Variants in COL4A1 observed in about 807,000 individuals in gnomAD.
COL4A1 encodes the protein collagen alpha-1(IV) chain.
COL4A1 carries 40 observed loss-of-function variants against 216.6 expected under a neutral mutation model. That is an observed-to-expected ratio of 0.18 (90% confidence interval 0.14 to 0.24). COL4A1 has a LOEUF of 0.24. Among genes scored for constraint, COL4A1 ranks in the 10% least tolerant of loss-of-function variants. COL4A1 has a pLI of 1.00. For synonymous variants in COL4A1, 839 were observed against 810.7 expected, an observed-to-expected ratio of 1.03 and a Z score of -0.59; for missense variants, 1,628 against 2,196.8, an observed-to-expected ratio of 0.74 and a Z score of 5.18.
chr13:110,208,404 C>A (rs1039733803), intron 12 of COL4A1, among the ~76,000 whole-genome samples: 6 of 152,192 alleles, frequency 3.9e-5, no homozygotes, highest in Admixed American at 6.5e-5. Context: ...CCTGGACATG[C>A]CCGCCTCTGA....
intron 1 of COL4A1, among the ~76,000 whole-genome samples, chr13:110,294,584 G>A (rs1447264444): frequency 6.6e-6 from 1 of 152,186 alleles, no homozygotes; most frequent in Non-Finnish European, 1.5e-5. Context: ...TCCAAAAATT[G>A]GAACAACTCA....
intron 2 of COL4A1, among the ~76,000 whole-genome samples, chr13:110,236,884 C>A (rs1268325943): frequency 2.0e-5 from 3 of 152,158 alleles, no homozygotes; most frequent in African/African-American, 7.2e-5. Flanking sequence ...GGCTGGGCAC[C>A]CCTAACCTGT....
At position 110,207,740 on chromosome 13, in the gene COL4A1, G is replaced by A. The variant is rs1437265386; in HGVS notation, c.694-251C>T. Among the ~76,000 whole-genome samples, 2 of 152,128 alleles carry A rather than the reference G, an allele frequency of 1.3e-5. No individual in the cohort carries two copies. Among genetic ancestry groups the A allele is most frequent in the African/African-American group, 4.8e-5 (2 of 41,424 alleles). ...GGCCACTAGCTCAGGAATAACCATG[G>A]AATCTGAACACCTGCAAGACACCTC... On this transcript the variant is annotated intron_variant, in intron 12 of 51. Coordinates refer to ENST00000375820, the MANE Select transcript of COL4A1 (RefSeq NM_001845.6). The surrounding 1 kb of genome is among the most constrained non-coding windows in gnomAD (Gnocchi z 4.4).
At chr13:110,165,196 C>T (rs1566342768) in intron 45 of COL4A1, among the ~76,000 whole-genome samples, 1 of 152,174 alleles carries the variant, frequency 6.6e-6, no homozygotes, top group Non-Finnish European at 1.5e-5. Context: ...CCTGAACTCT[C>T]GGGCAAAGGC....
In COL4A1 at chr13:110,205,644, C is replaced by A; in HGVS notation, c.859-106G>T. On this transcript the variant is annotated intron_variant, in intron 15 of 51. Transcript: ENST00000375820. The stretch of plus-strand genomic sequence containing the variant: ...TTGGGAGGCCGAGGTGGGTGGATCA[C>A]CTGAGGTCAGGAGTTCGAGACCAGC... 6.4e-6 allele frequency: 8 copies of A among 1,248,404 alleles called. No individual in the cohort carries two copies. The South Asian group carries it at 8.4e-5, about 13-fold the overall frequency. 77.3% of individuals were successfully genotyped at this position (1,248,404 alleles called of 1,614,324 possible). A position where few individuals can be genotyped will look rare whatever the true frequency, so the allele number is the denominator to read the frequency against.
intron 1 of COL4A1, among the ~76,000 whole-genome samples, chr13:110,249,477 C>G (rs1345544517): frequency 6.6e-6 from 1 of 152,134 alleles, no homozygotes; most frequent in Admixed American, 6.5e-5. Context: ...GGCAGGCCAG[C>G]TACAGCACCC....
chr13:110,182,975 T>C lies in COL4A1; in HGVS notation c.2095+18A>G. On this transcript the variant is annotated intron_variant, in intron 28 of 51. Coordinates refer to ENST00000375820, the MANE Select transcript of COL4A1 (RefSeq NM_001845.6). Reference sequence around the variant, plus strand: ...GTCACAGGTGGACCAAAGGCTCGGGTCCGTCTGGCAGGGTTACCTTTGGGG... The same window carrying C: ...GTCACAGGTGGACCAAAGGCTCGGGCCCGTCTGGCAGGGTTACCTTTGGGG... 6.2e-7 allele frequency: 1 copy of C among 1,606,514 alleles called. No homozygotes were observed. The highest frequency in any genetic ancestry group is 8.5e-7 in the Non-Finnish European group (1 of 1,176,716).
chr13:110,227,952 C>T (rs995251111), intron 2 of COL4A1, among the ~76,000 whole-genome samples: 4 of 152,172 alleles, frequency 2.6e-5, no homozygotes, highest in Non-Finnish European at 4.4e-5. Flanking sequence ...CCCTGCGGTC[C>T]CTAAATACAC....
At chr13:110,270,323 C>T (rs897402935) in intron 1 of COL4A1, among the ~76,000 whole-genome samples, 7 of 152,112 alleles carry the variant, frequency 4.6e-5, no homozygotes, top group African/African-American at 1.2e-4. Context: ...AATCAGACTA[C>T]AAGGAAGGAG....
chr13:110,263,008 G>T (rs981271981), intron 1 of COL4A1, among the ~76,000 whole-genome samples: 1 of 152,210 alleles, frequency 6.6e-6, no homozygotes, highest in African/African-American at 2.4e-5. Context: ...ATCTGAACTT[G>T]GATCAAGTGA....
In COL4A1 at chr13:110,229,379, A is replaced by C. The variant is rs1880899903; in HGVS notation, c.144+13296T>G. 2.0e-5 allele frequency among the ~76,000 whole-genome samples: 3 copies of C among 152,324 alleles called. No homozygotes were observed. In the South Asian group the frequency reaches 6.2e-4, roughly 32 times the overall value. ...GTCAGAGTCCCAACTCTTTCCTCTT[A>C]GGAGGTTTTCAACTTTAAATCTGAA... On this transcript the variant is annotated intron_variant, in intron 2 of 51. Transcript: ENST00000375820.
At position 110,305,378 on chromosome 13, in the gene COL4A1, C is replaced by G. The variant is rs549411831; in HGVS notation, c.84+1566G>C. 2.3e-3 allele frequency among the ~76,000 whole-genome samples: 349 copies of G among 152,372 alleles called. 1 individual carries two copies. The highest frequency in any genetic ancestry group is 3.8e-3 in the Non-Finnish European group (261 of 68,042). ...GATTTGCGTAACTGAGTGGTTCTTT[C>G]TTTCTACAGTCCTGGATGTTTGGAA... On this transcript the variant is annotated intron_variant, in intron 1 of 51. Coordinates refer to ENST00000375820, the MANE Select transcript of COL4A1 (RefSeq NM_001845.6).
chr13:110,247,831 GT>G (rs1881893367), intron 1 of COL4A1, among the ~76,000 whole-genome samples: 4 of 129,056 alleles, frequency 3.1e-5, no homozygotes, highest in African/African-American at 8.8e-5. Context: ...GTGTGTGTGT[GT>G]GTGGCAGAGA....
chr13:110,278,068 C>T (rs1056897206), intron 1 of COL4A1, among the ~76,000 whole-genome samples: 2 of 152,162 alleles, frequency 1.3e-5, no homozygotes, highest in South Asian at 2.1e-4. Context: ...GAAGTACATA[C>T]GTTAACGTAT....
intron 49 of COL4A1, among the ~76,000 whole-genome samples, chr13:110,158,401 C>T (rs1412949617): frequency 6.6e-6 from 1 of 152,170 alleles, no homozygotes; most frequent in East Asian, 1.9e-4. Flanking sequence ...GGCACGTAAC[C>T]CTGGTCTTCC....
At chr13:110,286,993 G>T (rs748352052) in intron 1 of COL4A1, among the ~76,000 whole-genome samples, 1 of 152,206 alleles carries the variant, frequency 6.6e-6, no homozygotes, top group African/African-American at 2.4e-5. Flanking sequence ...AGAAAATTCA[G>T]GAGTGGCATT....
In COL4A1 at chr13:110,268,872, G is replaced by A. The variant is rs1883139757; in HGVS notation, c.85-26138C>T. ...AGGAGGAGGGGACTTGTTTGAAGCA[G>A]TGAGAAGTGGAAAGGAACCCAAGGA... On this transcript the variant is annotated intron_variant, in intron 1 of 51. Coordinates refer to ENST00000375820, the MANE Select transcript of COL4A1 (RefSeq NM_001845.6). The surrounding 1 kb of genome is among the most constrained non-coding windows in gnomAD (Gnocchi z 4.1). Among the ~76,000 whole-genome samples, 1 of 152,208 alleles carries A rather than the reference G, an allele frequency of 6.6e-6. No homozygotes were observed. Among genetic ancestry groups the A allele is most frequent in the South Asian group, 2.1e-4 (1 of 4,830 alleles).
chr13:110,230,735 C>A (rs368655964), intron 2 of COL4A1, among the ~76,000 whole-genome samples: 111 of 152,342 alleles, frequency 7.3e-4, no homozygotes, highest in African/African-American at 2.5e-3. Flanking sequence ...CTGGAAGTCC[C>A]CCCGTGGTAT....
At chr13:110,296,282 A>T (rs1249549545) in intron 1 of COL4A1, among the ~76,000 whole-genome samples, 2 of 152,248 alleles carry the variant, frequency 1.3e-5, no homozygotes, top group East Asian at 3.8e-4. Context: ...TCCATCTTGG[A>T]ATACATTAGG....
Sources: gnomAD v4.1 joint callset for allele counts (sites outside exome capture counted in the v4.1 genomes callset) on GRCh38, gnomAD v4.1.1 for gene constraint, Gnocchi (gnomAD v3.1) non-coding constraint, MANE v1.5 for transcripts, NCBI Gene and HGNC (gene_info 2026-07-23, HGNC 2026-07-21) for gene names.